SYNJ2: variants seen among roughly 807,000 people sequenced by gnomAD.
SYNJ2 encodes synaptojanin 2, also known as polyphosphatidylinositol phosphatase SYNJ2.
SYNJ2 carries 116 observed loss-of-function variants against 141.3 expected under a neutral mutation model. The ratio of observed to expected loss-of-function variants is 0.82; its 90% CI spans 0.71 to 0.96. SYNJ2 has a LOEUF of 0.96. Among genes scored for constraint, SYNJ2 ranks in the 40% least tolerant of loss-of-function variants. The pLI, the probability that SYNJ2 is intolerant of heterozygous loss-of-function variation, is 0.00. For synonymous variants in SYNJ2, 745 were observed against 777.7 expected, an observed-to-expected ratio of 0.96 and a Z score of 0.70; for missense variants, 1,873 against 1,934.8, an observed-to-expected ratio of 0.97 and a Z score of 0.60.
intron 1 of SYNJ2, among the ~76,000 whole-genome samples, chr6:157,988,807 A>G (rs2128314086): frequency 6.6e-6 from 1 of 152,216 alleles, no homozygotes. Flanking sequence ...GTGAAAACCA[A>G]ATTGGGTTGG....
At chr6:157,987,504 C>T (rs992974467) in intron 1 of SYNJ2, among the ~76,000 whole-genome samples, 2 of 151,842 alleles carry the variant, frequency 1.3e-5, no homozygotes, top group African/African-American at 2.4e-5. Flanking sequence ...CAGGTTCAAG[C>T]GATTCTCCTG....
At chr6:158,086,360 G>C (rs1392596622) in intron 22 of SYNJ2, among the ~76,000 whole-genome samples, 1 of 152,150 alleles carries the variant, frequency 6.6e-6, no homozygotes, top group Non-Finnish European at 1.5e-5. Context: ...GCCAGCCATG[G>C]GCCCACAGGG....
intron 1 of SYNJ2, among the ~76,000 whole-genome samples, chr6:157,983,378 T>C (rs1267826151): frequency 6.6e-6 from 1 of 152,254 alleles, no homozygotes; most frequent in Non-Finnish European, 1.5e-5. Flanking sequence ...GAGTCTAAGT[T>C]TGGTTATTTG....
rs368069615 is a variant in SYNJ2, at chr6:158,096,702, T to C, written c.*338T>C. On this transcript the variant is annotated 3_prime_UTR_variant, in exon 27 of 27. Coordinates refer to ENST00000355585, the MANE Select transcript of SYNJ2 (RefSeq NM_003898.4). ...AATTTTTAAATGGCTGTTCAGTTCA[T>C]GTTGTACGTGATGGAGATTTGTCTT... is the stretch of plus-strand genomic sequence containing the variant. 1 of 196,992 alleles carries C rather than the reference T, an allele frequency of 5.1e-6. No homozygotes were observed. The allele number at this position is 196,992 out of a possible 1,614,324, so 12.2% of individuals were successfully genotyped here.
At chr6:157,993,380 A>G (rs574101055) in intron 1 of SYNJ2, among the ~76,000 whole-genome samples, 8 of 152,152 alleles carry the variant, frequency 5.3e-5, no homozygotes, top group Non-Finnish European at 1.0e-4. Flanking sequence ...GGATCGGATT[A>G]TTAGATTTTT....
At chr6:158,006,659 G>A (rs745707768) in intron 1 of SYNJ2, among the ~76,000 whole-genome samples, 1 of 152,140 alleles carries the variant, frequency 6.6e-6, no homozygotes, top group Non-Finnish European at 1.5e-5. Flanking sequence ...ACAGGTGCAC[G>A]CCACACTCCC....
chr6:158,072,155 C>T (rs1459128026), intron 15 of SYNJ2, among the ~76,000 whole-genome samples: 1 of 152,182 alleles, frequency 6.6e-6, no homozygotes, highest in Non-Finnish European at 1.5e-5. Context: ...GCATTTGAAT[C>T]CACACAGCCT....
chr6:158,086,239 T>TA (rs1783028713), intron 22 of SYNJ2, among the ~76,000 whole-genome samples: 1 of 152,116 alleles, frequency 6.6e-6, no homozygotes, highest in Non-Finnish European at 1.5e-5. Context: ...GGGGGAGCCC[T>TA]AGGGCTGCTG....
At chr6:158,064,485 A>C in intron 9 of SYNJ2, 116 bp from the exon 10 acceptor site, 1 of 1,309,194 alleles carries the variant, frequency 7.6e-7, no homozygotes, top group Non-Finnish European at 1.1e-6. Flanking sequence ...GGAGGGGCAC[A>C]GAGTCTTCCA....
Position 158,049,864 on chromosome 6 carries a change from G to T in SYNJ2, c.796-5103G>T, listed in dbSNP as rs532480407. ...TGCTGGTATGCACGCAGCTCTGCAG[G>T]TGGGGACATGGCTCTGCAGGTATGC... On this transcript the variant is annotated intron_variant, in intron 5 of 26. Transcript: ENST00000355585. Among the ~76,000 whole-genome samples, 5 of 152,152 alleles carry T rather than the reference G, an allele frequency of 3.3e-5. No individual in the cohort carries two copies. In the East Asian group the frequency reaches 9.7e-4, roughly 29 times the overall value.
At position 158,027,166 on chromosome 6, in the gene SYNJ2, G is replaced by A. The variant is rs577153638; in HGVS notation, c.215-1590G>A. ...AGCGCTCTTCTCCCTATGAAGTGTG[G>A]TGAGGAAATTGGGGTGAGAGGGTGG... On this transcript the variant is annotated intron_variant, in intron 2 of 26. Transcript: ENST00000355585. The surrounding 1 kb of genome is among the most constrained non-coding windows in gnomAD (Gnocchi z 4.6). 3.3e-5 allele frequency: 33 copies of A among 985,380 alleles called. No individual in the cohort carries two copies. In the African/African-American group the frequency reaches 5.6e-4, roughly 17 times the overall value. 61.0% of individuals were successfully genotyped at this position (985,380 alleles called of 1,614,324 possible).
chr6:158,023,809 C>T (rs556410437), intron 2 of SYNJ2, among the ~76,000 whole-genome samples: 1 of 152,236 alleles, frequency 6.6e-6, no homozygotes, highest in African/African-American at 2.4e-5. Flanking sequence ...AGGTGATGTC[C>T]AATTGTTTGC....
At chr6:158,087,066 C>T in intron 23 of SYNJ2, 77 bp downstream of exon 23, 1 of 1,513,410 alleles carries the variant, frequency 6.6e-7, no homozygotes, top group Admixed American at 1.8e-5. Context: ...GAAAACACGG[C>T]TCCGAATCCA....
upstream of SYNJ2, among the ~76,000 whole-genome samples, chr6:157,981,352 C>G (rs1396713790): frequency 6.6e-6 from 1 of 152,166 alleles, no homozygotes; most frequent in Non-Finnish European, 1.5e-5. The surrounding 1 kb of genome is among the most constrained non-coding windows in gnomAD (Gnocchi z 6.4). Context: ...GCTCCGCACC[C>G]GCTAAGCGCC....
chr6:158,082,148 A>T (rs1406241046), intron 20 of SYNJ2, among the ~76,000 whole-genome samples: 1 of 152,168 alleles, frequency 6.6e-6, no homozygotes, highest in Non-Finnish European at 1.5e-5. Flanking sequence ...GGAGATCGAG[A>T]CCAGCCTGGC....
At chr6:158,062,253 G>C in intron 8 of SYNJ2, 89 bp downstream of exon 8, 1 of 1,550,694 alleles carries the variant, frequency 6.4e-7, no homozygotes, top group Non-Finnish European at 8.7e-7. Flanking sequence ...GCCTTCTGCT[G>C]GGTGAGGCGG....
upstream of SYNJ2, among the ~76,000 whole-genome samples, chr6:157,981,439 C>T (rs1776998414): frequency 6.6e-6 from 1 of 152,238 alleles, no homozygotes; most frequent in South Asian, 2.1e-4. This position sits in a 1 kb window ranked among gnomAD's most constrained non-coding sequence, Gnocchi z 6.4. Context: ...GACCGAGGCA[C>T]GCAGGGTCGA....
At chr6:158,026,185 A>C (rs1314946076) in intron 2 of SYNJ2, among the ~76,000 whole-genome samples, 1 of 152,198 alleles carries the variant, frequency 6.6e-6, no homozygotes, top group Admixed American at 6.5e-5. Context: ...TGGCAGTGGT[A>C]GCCCTGAGAC....
chr6:158,080,479 TAAA>T (rs61208089), intron 18 of SYNJ2, among the ~76,000 whole-genome samples: 27 of 121,412 alleles, frequency 2.2e-4, no homozygotes, highest in South Asian at 5.3e-4. Context: ...TGACTCAAAA[TAAA>T]AAAAAAAAAA....
Sources: gnomAD v4.1 joint callset for allele counts (sites outside exome capture counted in the v4.1 genomes callset) on GRCh38, gnomAD v4.1.1 for gene constraint, Gnocchi (gnomAD v3.1) non-coding constraint, MANE v1.5 for transcripts, NCBI Gene and HGNC (gene_info 2026-07-23, HGNC 2026-07-21) for gene names.